The following TMEM132D variants were observed in gnomAD, a reference collection of about 807,000 sequenced individuals.
The protein encoded by TMEM132D is transmembrane protein 132D.
Under a neutral mutation model 62.3 loss-of-function variants are expected in TMEM132D, and 21 were observed. The ratio of observed to expected loss-of-function variants is 0.34; its 90% confidence interval spans 0.24 to 0.49. TMEM132D has a LOEUF of 0.49. Ranked by LOEUF, TMEM132D falls within the 20% of genes least tolerant of loss-of-function variation. The pLI, the probability that TMEM132D is intolerant of heterozygous loss-of-function variation, is 0.99. For synonymous variants in TMEM132D, 621 were observed against 575.6 expected (o/e 1.08, Z -1.13); for missense variants, 1,346 against 1,402.8 (o/e 0.96, Z 0.65).
At chr12:129,212,645 C>T (rs1593298120) in intron 4 of TMEM132D, 1 of 152,330 alleles carries the variant, frequency 6.6e-6, no homozygotes, top group African/African-American at 2.4e-5. Flanking sequence ...AATAAAGGCA[C>T]AGACTCTCTT....
intron 4 of TMEM132D, among the ~76,000 whole-genome samples, chr12:129,331,837 G>A (rs530388516): frequency 2.6e-5 from 4 of 152,338 alleles, no homozygotes; most frequent in African/African-American, 7.2e-5. Context: ...AGAGAAGGAC[G>A]TTGAAGAACT....
chr12:129,746,916 C>T (rs1869800430), intron 1 of TMEM132D, among the ~76,000 whole-genome samples: 1 of 152,094 alleles, frequency 6.6e-6, no homozygotes, highest in African/African-American at 2.4e-5. Context: ...ATTTATCACC[C>T]AATCCTATCG....
intron 3 of TMEM132D, among the ~76,000 whole-genome samples, chr12:129,453,106 C>A (rs1013789555): frequency 6.6e-6 from 1 of 152,160 alleles, no homozygotes; most frequent in Non-Finnish European, 1.5e-5. Flanking sequence ...TGCAAGGGAT[C>A]TAGGTTGTGC....
At chr12:129,559,566 T>C (rs1462388199) in intron 2 of TMEM132D, among the ~76,000 whole-genome samples, 2 of 152,222 alleles carry the variant, frequency 1.3e-5, no homozygotes, top group African/African-American at 4.8e-5. Flanking sequence ...AGAGGTTTCA[T>C]AAGTTATTAC....
At chr12:129,350,448 C>T (rs1010474348) in intron 3 of TMEM132D, among the ~76,000 whole-genome samples, 7 of 152,158 alleles carry the variant, frequency 4.6e-5, no homozygotes, top group Non-Finnish European at 1.0e-4. Context: ...TTATGAAGTC[C>T]CACAGGCCAA....
chr12:129,845,538 T>C (rs1873334039), intron 1 of TMEM132D, among the ~76,000 whole-genome samples: 1 of 152,234 alleles, frequency 6.6e-6, no homozygotes, highest in South Asian at 2.1e-4. Flanking sequence ...ACTGACTGTG[T>C]TTAAATATTA....
intron 4 of TMEM132D, among the ~76,000 whole-genome samples, chr12:129,248,705 C>T (rs185706734): frequency 2.0e-4 from 30 of 152,178 alleles, no homozygotes; most frequent in Middle Eastern, 3.4e-3. Context: ...TTTGCTCCCC[C>T]GCTCCACCCT....
At chr12:129,811,695 C>T (rs1872188047) in intron 1 of TMEM132D, among the ~76,000 whole-genome samples, 2 of 151,806 alleles carry the variant, frequency 1.3e-5, no homozygotes, top group Admixed American at 1.3e-4. Context: ...CCTGTGGACC[C>T]GATGCTGTCA....
intron 5 of TMEM132D, among the ~76,000 whole-genome samples, chr12:129,207,331 G>C (rs920097658): frequency 2.0e-5 from 3 of 151,898 alleles, no homozygotes; most frequent in African/African-American, 7.3e-5. Context: ...ACAGAGCTTA[G>C]GTTCCAACGA....
At chr12:129,683,873 A>T (rs1225779976) in intron 2 of TMEM132D, among the ~76,000 whole-genome samples, 1 of 152,190 alleles carries the variant, frequency 6.6e-6, no homozygotes, top group Non-Finnish European at 1.5e-5. Context: ...GGATGCAGTG[A>T]TGACCCAAGA....
intron 5 of TMEM132D, among the ~76,000 whole-genome samples, chr12:129,129,735 T>C (rs1876316641): frequency 6.6e-6 from 1 of 152,170 alleles, no homozygotes; most frequent in African/African-American, 2.4e-5. Context: ...ATTTCTCTGA[T>C]GATGAGCTAT....
intron 4 of TMEM132D, among the ~76,000 whole-genome samples, chr12:129,243,429 G>T (rs1879987119): frequency 6.6e-6 from 1 of 152,108 alleles, no homozygotes; most frequent in Admixed American, 6.5e-5. Flanking sequence ...TTGCATATGT[G>T]GCATAATTAC....
intron 4 of TMEM132D, 28 bp downstream of exon 4, chr12:129,337,606 C>A (rs2135657771): frequency 6.2e-7 from 1 of 1,612,722 alleles, no homozygotes; most frequent in South Asian, 1.1e-5. Flanking sequence ...GAGTTCAGTT[C>A]TAACAGCCCA....
chr12:129,560,038 C>G (rs985321739), intron 2 of TMEM132D, among the ~76,000 whole-genome samples: 4 of 152,152 alleles, frequency 2.6e-5, no homozygotes, highest in African/African-American at 9.7e-5. Flanking sequence ...TTAAAGGAAG[C>G]ATATTTTAAT....
intron 3 of TMEM132D, among the ~76,000 whole-genome samples, chr12:129,349,675 C>T (rs976705160): frequency 3.9e-5 from 6 of 152,128 alleles, no homozygotes; most frequent in Non-Finnish European, 5.9e-5. Flanking sequence ...TGGCAAAGAT[C>T]GGCAAGTAGG....
intron 1 of TMEM132D, among the ~76,000 whole-genome samples, chr12:129,705,884 G>T (rs1881496074): frequency 6.6e-6 from 1 of 152,036 alleles, no homozygotes; most frequent in Non-Finnish European, 1.5e-5. Context: ...GGGAACAAAA[G>T]AAAGTTAAAG....
chr12:129,151,538 G>T (rs1454718275), intron 5 of TMEM132D, among the ~76,000 whole-genome samples: 1 of 152,156 alleles, frequency 6.6e-6, no homozygotes, highest in African/African-American at 2.4e-5. Flanking sequence ...CACACCCAGG[G>T]GTGACATGCG....
At chr12:129,249,162 C>A (rs1041284553) in intron 4 of TMEM132D, among the ~76,000 whole-genome samples, 2 of 152,134 alleles carry the variant, frequency 1.3e-5, no homozygotes, top group African/African-American at 4.8e-5. Flanking sequence ...CAGCTTGGGA[C>A]CTGCCAGGAG....
intron 1 of TMEM132D, among the ~76,000 whole-genome samples, chr12:129,860,596 C>T (rs1172290546): frequency 6.6e-6 from 1 of 152,188 alleles, no homozygotes; most frequent in South Asian, 2.1e-4. Context: ...TAAAACTTCT[C>T]ATAACCTAAT....
Sources: gnomAD v4.1 joint callset for allele counts (sites outside exome capture counted in the v4.1 genomes callset) on GRCh38, gnomAD v4.1.1 for gene constraint, MANE v1.5 for transcripts, NCBI Gene and HGNC (gene_info 2026-07-23, HGNC 2026-07-21) for gene names.